The following MAP1B variants were observed in gnomAD, a reference collection of about 807,000 sequenced individuals.
The protein encoded by MAP1B is microtubule-associated protein 1B.
MAP1B carries 12 observed loss-of-function variants against 176.1 expected under a neutral mutation model. The ratio of observed to expected loss-of-function variants is 0.07; its 90% confidence interval spans 0.04 to 0.11. MAP1B has a LOEUF of 0.11. MAP1B is among the 10% of genes least tolerant of loss of function. MAP1B has a pLI of 1.00. For synonymous variants in MAP1B, 1,044 were observed against 1,135.0 expected (o/e 0.92, Z 1.61); for missense variants, 2,523 against 2,990.5 (o/e 0.84, Z 3.65).
In MAP1B at chr5:72,197,083, T is replaced by C; in HGVS notation, c.3728T>C (p.Ile1243Thr). Residue 1243 changes from isoleucine (I) to threonine (T), a missense_variant, in exon 5 of 7, where the codon ATC (isoleucine) becomes ACC (threonine). Physicochemically the swap from Ile to Thr is moderately conservative, Grantham distance 89 (BLOSUM62 -1). Around this residue, in one of 4 missense-constraint regions of MAP1B, gnomAD observed 1,925 missense variants for 2,126.0 expected, o/e 0.91. Coordinates refer to ENST00000296755, the MANE Select transcript of MAP1B (RefSeq NM_005909.5). ...ACCACTTTGGACATCAAAGATAGCA[T>C]CTCAGCTGTTTCAAGTGAAAAGGTC... ...ASTTLDIKDS[I>T]SAVSSEKVSP... 6.2e-7 allele frequency: 1 copy of C among 1,614,172 alleles called. No homozygotes were observed. The highest frequency in any genetic ancestry group is 1.1e-5 in the South Asian group (1 of 91,078).
chr5:72,109,761 T>TGATG (rs1291901768), intron 1 of MAP1B, among the ~76,000 whole-genome samples: 2 of 152,248 alleles, frequency 1.3e-5, no homozygotes, highest in African/African-American at 4.8e-5. Context: ...TAACATCCTA[T>TGATG]GATGGGAGGA....
At chr5:72,125,159 C>T (rs1745604122) in intron 2 of MAP1B, among the ~76,000 whole-genome samples, 1 of 152,142 alleles carries the variant, frequency 6.6e-6, no homozygotes, top group Non-Finnish European at 1.5e-5. Context: ...GATGTAGCAA[C>T]CGCTTTTTTA....
At chr5:72,159,869 G>C (rs1250271018) in intron 2 of MAP1B, among the ~76,000 whole-genome samples, 1 of 152,202 alleles carries the variant, frequency 6.6e-6, no homozygotes, top group African/African-American at 2.4e-5. Flanking sequence ...ACTCATGGTT[G>C]TTGAGTACAT....
At chr5:72,177,504 G>C (rs1377204520) in intron 2 of MAP1B, among the ~76,000 whole-genome samples, 1 of 152,140 alleles carries the variant, frequency 6.6e-6, no homozygotes, top group Non-Finnish European at 1.5e-5. Flanking sequence ...CCCAGCGTTA[G>C]TTGCCAGGGA....
rs1747471083 is a variant in MAP1B at position 72,207,188 on chromosome 5, A to G, written c.*1949A>G. The G allele has an allele frequency of 6.6e-6, 1 of 152,214 alleles. No individual in the cohort carries two copies. Among genetic ancestry groups the G allele is most frequent in the Non-Finnish European group, 1.5e-5 (1 of 68,038 alleles). 9.4% of individuals were successfully genotyped at this position (152,214 alleles called of 1,614,324 possible). ...GACATCAAGTTTCAAGTTGCAGATC[A>G]ATGCACCCAGTGTTCAGATGAGGCA... On this transcript the variant is annotated 3_prime_UTR_variant, in exon 7 of 7. Transcript: ENST00000296755.
chr5:72,117,140 T>C (rs1745449365), intron 2 of MAP1B, among the ~76,000 whole-genome samples: 1 of 151,526 alleles, frequency 6.6e-6, no homozygotes, highest in South Asian at 2.1e-4. Context: ...AGTTTTTAAG[T>C]AACTTTGCTT....
At chr5:72,155,498 C>G (rs1346117529) in intron 2 of MAP1B, among the ~76,000 whole-genome samples, 1 of 152,148 alleles carries the variant, frequency 6.6e-6, no homozygotes, top group East Asian at 1.9e-4. Context: ...AAAAATATAG[C>G]AGGATGTTTA....
At chr5:72,177,150 C>G (rs575220938) in intron 2 of MAP1B, among the ~76,000 whole-genome samples, 1 of 152,098 alleles carries the variant, frequency 6.6e-6, no homozygotes, top group Non-Finnish European at 1.5e-5. Flanking sequence ...GGGATCATGT[C>G]CTCCCTCAGG....
At chr5:72,143,243 T>A (rs1426709692) in intron 2 of MAP1B, among the ~76,000 whole-genome samples, 2 of 152,238 alleles carry the variant, frequency 1.3e-5, no homozygotes, top group Non-Finnish European at 2.9e-5. Flanking sequence ...AAGAATACAC[T>A]GCCGTGTTGA....
chr5:72,111,637 T>A (rs949263436), intron 1 of MAP1B, among the ~76,000 whole-genome samples: 11 of 152,320 alleles, frequency 7.2e-5, no homozygotes, highest in African/African-American at 2.4e-4. Context: ...CTTTTCAAAG[T>A]CGAAGACAGA....
At position 72,198,183 on chromosome 5, in the gene MAP1B, AAAG is replaced by A. The variant is rs1330958243; in HGVS notation, c.4834_4836del (p.Glu1612del). Reference sequence around the variant, plus strand: ...CCAGGAAACAGAAATGTCTCCATCTAAAGAAGAATGCCCAAGACCGATGTCAAT... The same window carrying A: ...CCAGGAAACAGAAATGTCTCCATCTAAAGAATGCCCAAGACCGATGTCAAT... On this transcript the variant is annotated inframe_deletion, in exon 5 of 7. Coordinates refer to ENST00000296755, the MANE Select transcript of MAP1B (RefSeq NM_005909.5). The A allele has an allele frequency of 1.9e-6, 3 of 1,614,234 alleles. No homozygotes were observed. The highest frequency in any genetic ancestry group is 2.2e-5 in the East Asian group (1 of 44,890).
chr5:72,133,538 A>G (rs1238789078), intron 2 of MAP1B, among the ~76,000 whole-genome samples: 1 of 152,216 alleles, frequency 6.6e-6, no homozygotes, highest in Admixed American at 6.5e-5. Context: ...GCCAAGTTCA[A>G]ATATGGGCTT....
rs753302064 is a variant in MAP1B, at chr5:72,199,173, T to G, written c.5818T>G (p.Tyr1940Asp). ...GACCCCTGAAGATGGTGACTATTCC[T>G]ATGAAATTATTGAGAAGACCACACG... ...TKTPEDGDYS[Y>D]EIIEKTTRTP... is the part of the protein sequence containing the mutation. Residue 1940 changes from tyrosine to aspartate, a missense_variant, in exon 5 of 7, where the codon TAT (tyrosine) becomes GAT (aspartate). Tyr to Asp is a radical substitution (Grantham distance 160, BLOSUM62 -3). Transcript: ENST00000296755. This position sits in a 1 kb window ranked among gnomAD's most constrained non-coding sequence, Gnocchi z 4.2. 7.6e-5 allele frequency: 122 copies of G among 1,613,990 alleles called. No homozygotes were observed. In the Admixed American group the frequency reaches 1.9e-3, roughly 25 times the overall value.
At chr5:72,157,333 T>C (rs1746245082) in intron 2 of MAP1B, among the ~76,000 whole-genome samples, 1 of 152,244 alleles carries the variant, frequency 6.6e-6, no homozygotes, top group African/African-American at 2.4e-5. Context: ...GTTGCTTTTC[T>C]ATGGTACTGT....
chr5:72,171,916 G>A (rs771885141), intron 2 of MAP1B, among the ~76,000 whole-genome samples: 1 of 152,172 alleles, frequency 6.6e-6, no homozygotes, highest in African/African-American at 2.4e-5. Context: ...CGTCACTTAC[G>A]AATGATCCAT....
At chr5:72,110,149 A>G (rs1316967089) in intron 1 of MAP1B, among the ~76,000 whole-genome samples, 3 of 152,242 alleles carry the variant, frequency 2.0e-5, no homozygotes, top group Non-Finnish European at 4.4e-5. Context: ...ACGAATTTTC[A>G]CAAAACGGAC....
At chr5:72,121,516 G>T (rs1745530010) in intron 2 of MAP1B, among the ~76,000 whole-genome samples, 1 of 152,218 alleles carries the variant, frequency 6.6e-6, no homozygotes, top group Non-Finnish European at 1.5e-5. Flanking sequence ...AGCATCTTTA[G>T]ATTTGTGCTG....
chr5:72,180,067 G>A (rs1746734198), intron 2 of MAP1B, among the ~76,000 whole-genome samples: 1 of 152,182 alleles, frequency 6.6e-6, no homozygotes, highest in South Asian at 2.1e-4. Flanking sequence ...GTGGAGGCAG[G>A]TGGACTGTGC....
In MAP1B at chr5:72,115,397, A is replaced by T. The variant is rs1212523029; in HGVS notation, c.185-301A>T. On this transcript the variant is annotated intron_variant, in intron 1 of 6. Transcript: ENST00000296755. ...CCTGCCCTTTCTAGTCCCTCCCTGG[A>T]GTACAGCCTGTCATTTTCCTAACAA... Among the ~76,000 whole-genome samples, 6 of 152,266 alleles carry T rather than the reference A, an allele frequency of 3.9e-5. No individual in the cohort carries two copies. The East Asian group carries it at 1.2e-3, about 29-fold the overall frequency.
Sources: gnomAD v4.1 joint callset for allele counts (sites outside exome capture counted in the v4.1 genomes callset) on GRCh38, gnomAD v4.1.1 for gene constraint, gnomAD v4.1.1 regional missense constraint, Gnocchi (gnomAD v3.1) non-coding constraint, MANE v1.5 for transcripts, NCBI Gene and HGNC (gene_info 2026-07-23, HGNC 2026-07-21) for gene names.